The following FSTL5 variants were observed in gnomAD, a reference collection of about 807,000 sequenced individuals.
FSTL5 encodes follistatin like 5.
A neutral mutation model predicts 89.1 loss-of-function variants in FSTL5; 62 were observed. The ratio of observed to expected loss-of-function variants is 0.70; its 90% CI spans 0.57 to 0.86. The LOEUF (loss-of-function observed/expected upper bound fraction) is 0.86, where lower values mean the gene tolerates loss of function less well. Among genes scored for constraint, FSTL5 ranks in the 40% least tolerant of loss-of-function variants. The pLI is 0.00. For synonymous variants in FSTL5, 383 were observed against 346.2 expected, an observed-to-expected ratio of 1.11 and a Z score of -1.18; for missense variants, 1,057 against 1,001.6, an observed-to-expected ratio of 1.06 and a Z score of -0.75.
At chr4:161,918,213 T>A (rs1052319926) in intron 4 of FSTL5, among the ~76,000 whole-genome samples, 17 of 152,162 alleles carry the variant, frequency 1.1e-4, no homozygotes, top group Non-Finnish European at 2.1e-4. Context: ...TGCACACTAA[T>A]AAGACAGGCA....
At chr4:161,529,573 A>G (rs1731343238) in intron 10 of FSTL5, among the ~76,000 whole-genome samples, 1 of 142,638 alleles carries the variant, frequency 7.0e-6, no homozygotes, top group South Asian at 2.4e-4. Flanking sequence ...GGGCTTTTCA[A>G]AAAGAAATAC....
chr4:161,708,811 G>C (rs887709307), intron 6 of FSTL5, among the ~76,000 whole-genome samples: 9 of 152,044 alleles, frequency 5.9e-5, no homozygotes, highest in African/African-American at 1.9e-4. Flanking sequence ...TGTGATGCTA[G>C]TTCTAGATCT....
chr4:162,129,043 C>T (rs1249177717), intron 1 of FSTL5, among the ~76,000 whole-genome samples: 1 of 151,830 alleles, frequency 6.6e-6, no homozygotes, highest in Non-Finnish European at 1.5e-5. Flanking sequence ...TCCTGTTCTC[C>T]TGCCTCAGCC....
chr4:161,862,032 C>G (rs559676971), intron 4 of FSTL5, among the ~76,000 whole-genome samples: 1 of 152,242 alleles, frequency 6.6e-6, no homozygotes, highest in South Asian at 2.1e-4. Context: ...TCAAATTAAC[C>G]CTCAATGGGA....
intron 8 of FSTL5, among the ~76,000 whole-genome samples, chr4:161,573,708 G>A (rs1458800635): frequency 1.7e-5 from 2 of 118,346 alleles, no homozygotes; most frequent in African/African-American, 3.3e-5. Flanking sequence ...ACTCCAGCCT[G>A]GGCAACAAGA....
intron 8 of FSTL5, among the ~76,000 whole-genome samples, chr4:161,546,649 C>G (rs1046769131): frequency 6.6e-6 from 1 of 151,864 alleles, no homozygotes; most frequent in Non-Finnish European, 1.5e-5. Flanking sequence ...ACGCAAGCAT[C>G]TAGCAGAACC....
chr4:162,162,252 T>A (rs973638848), intron 1 of FSTL5, among the ~76,000 whole-genome samples: 4 of 152,128 alleles, frequency 2.6e-5, no homozygotes, highest in Admixed American at 1.3e-4. Flanking sequence ...CTAATGCAAC[T>A]AGAGTAGAAA....
intron 6 of FSTL5, among the ~76,000 whole-genome samples, chr4:161,745,759 A>C (rs137946914): frequency 3.0e-4 from 46 of 152,206 alleles, no homozygotes; most frequent in Middle Eastern, 3.4e-3. Context: ...TGTAATCATA[A>C]AAACATGTTG....
At chr4:161,964,262 C>T (rs1735261876) in intron 3 of FSTL5, among the ~76,000 whole-genome samples, 1 of 151,960 alleles carries the variant, frequency 6.6e-6, no homozygotes, top group Admixed American at 6.6e-5. Context: ...CAGATTTAAC[C>T]TCTAGCAGAA....
chr4:161,686,988 A>G (rs1238400446), intron 6 of FSTL5, among the ~76,000 whole-genome samples: 4 of 152,166 alleles, frequency 2.6e-5, no homozygotes, highest in African/African-American at 7.2e-5. Flanking sequence ...GACATTGCGT[A>G]TTATCATGAA....
intron 2 of FSTL5, among the ~76,000 whole-genome samples, chr4:162,101,185 A>C (rs558205037): frequency 6.6e-6 from 1 of 152,214 alleles, no homozygotes; most frequent in Non-Finnish European, 1.5e-5. Context: ...CTATAAAGCA[A>C]ACTTTGCATT....
rs570310792 is a variant in FSTL5 at position 161,550,007 on chromosome 4, G to A, written c.1016-7314C>T. 2.6e-5 allele frequency among the ~76,000 whole-genome samples: 4 copies of A among 151,886 alleles called. No homozygotes were observed. The South Asian group carries it at 6.2e-4, about 24-fold the overall frequency. ...AAGCCGTCACGTCAGGACTACAGCC[G>A]ACCACCCTACTGGCCTGTTAGTTCC... On this transcript the variant is annotated intron_variant, in intron 8 of 15. Coordinates refer to ENST00000306100, the MANE Select transcript of FSTL5 (RefSeq NM_020116.5).
rs1740487735 is a variant in FSTL5, at chr4:161,753,986, G to A, written c.727+5425C>T. On this transcript the variant is annotated intron_variant, in intron 6 of 15. Transcript: ENST00000306100. ...GAACCCGGGAGGCGGAGCTTGCAGTGAGCCGAGATCGCGCCACTGCACTCC... is the reference window on the plus strand; with the variant it reads ...GAACCCGGGAGGCGGAGCTTGCAGTAAGCCGAGATCGCGCCACTGCACTCC... Among the ~76,000 whole-genome samples the A allele has an allele frequency of 3.4e-5, 5 of 145,842 alleles. No individual in the cohort carries two copies. In the South Asian group the frequency reaches 8.7e-4, roughly 25 times the overall value.
At chr4:161,700,432 G>A (rs898099873) in intron 6 of FSTL5, among the ~76,000 whole-genome samples, 12 of 151,588 alleles carry the variant, frequency 7.9e-5, no homozygotes, top group Admixed American at 5.9e-4. Context: ...AAATATCTTC[G>A]TTTTTCTAGG....
At chr4:161,486,523 T>C (rs1729685279) in intron 12 of FSTL5, among the ~76,000 whole-genome samples, 1 of 152,138 alleles carries the variant, frequency 6.6e-6, no homozygotes, top group Admixed American at 6.5e-5. Context: ...TTATGAAAAA[T>C]AAACATATTT....
intron 4 of FSTL5, among the ~76,000 whole-genome samples, chr4:161,802,339 T>C (rs1729824660): frequency 6.6e-6 from 1 of 151,714 alleles, no homozygotes; most frequent in Non-Finnish European, 1.5e-5. Flanking sequence ...TATGGGGGTA[T>C]ATGTGTGTGC....
intron 13 of FSTL5, among the ~76,000 whole-genome samples, chr4:161,477,413 A>G (rs1001067894): frequency 1.1e-4 from 16 of 149,948 alleles, no homozygotes; most frequent in Non-Finnish European, 2.2e-4. Context: ...ATTGTTTTAT[A>G]TTATATAAAT....
chr4:161,680,909 TGTTTGTAA>T (rs980533614), intron 6 of FSTL5, among the ~76,000 whole-genome samples: 1 of 152,056 alleles, frequency 6.6e-6, no homozygotes, highest in Non-Finnish European at 1.5e-5. Flanking sequence ...TATTCTTTAC[TGTTTGTAA>T]GTTCCTTTTT....
chr4:161,475,988 C>T (rs940199355), intron 13 of FSTL5, among the ~76,000 whole-genome samples: 16 of 151,884 alleles, frequency 1.1e-4, no homozygotes, highest in African/African-American at 2.2e-4. Context: ...CTCCTGACCT[C>T]GTGATCCGCC....
Sources: allele counts gnomAD v4.1 joint callset (sites outside exome capture counted in the v4.1 genomes callset), GRCh38; gene constraint gnomAD v4.1.1; transcripts MANE v1.5; gene names NCBI Gene and HGNC (gene_info 2026-07-23, HGNC 2026-07-21).